SLC47A1: variants seen among roughly 807,000 people sequenced by gnomAD.
SLC47A1 encodes solute carrier family 47 member 1.
In SLC47A1, 58 loss-of-function variants were observed where a neutral mutation model predicts 65.8. The ratio of observed to expected loss-of-function variants is 0.88; its 90% CI spans 0.71 to 1.10. The LOEUF (loss-of-function observed/expected upper bound fraction) is 1.10. Ranked by LOEUF, SLC47A1 falls within the 50% of genes least tolerant of loss-of-function variation. The pLI is 0.00. For synonymous variants in SLC47A1, 285 were observed against 295.0 expected, an observed-to-expected ratio of 0.97 and a Z score of 0.35; for missense variants, 706 against 719.2, an observed-to-expected ratio of 0.98 and a Z score of 0.21.
intron 16 of SLC47A1, among the ~76,000 whole-genome samples, chr17:19,573,124 C>T (rs893183950): frequency 4.6e-5 from 7 of 152,222 alleles, no homozygotes; most frequent in African/African-American, 1.4e-4. Flanking sequence ...ATTTCTAACA[C>T]TTGGAAATAC....
At position 19,560,492 on chromosome 17, in the gene SLC47A1, C is replaced by A; in HGVS notation, c.1105C>A (p.Arg369=). The A allele has an allele frequency of 6.2e-7, 1 of 1,613,962 alleles. No homozygotes were observed. The highest frequency in any genetic ancestry group is 1.1e-5 in the South Asian group (1 of 91,074). Residue 369 remains arginine (R), a splice_region_variant and synonymous_variant, in exon 12 of 17, where the codon CGA becomes AGA. Coordinates refer to ENST00000270570, the MANE Select transcript of SLC47A1 (RefSeq NM_018242.3). The part of the protein sequence containing the change: ...DHVGYIFTTD[R]DIINLVAQVV... ...CGTGGGGTACATTTTTACTACCGAC[C>A]GGTGAGTGCTAGGATTTTCTTGAAA...
chr17:19,570,042 T>C (rs1258763855), intron 14 of SLC47A1, among the ~76,000 whole-genome samples: 2 of 151,962 alleles, frequency 1.3e-5, no homozygotes, highest in Non-Finnish European at 2.9e-5. Context: ...ACTCTAGGAG[T>C]TGGAGGCTGT....
intron 2 of SLC47A1, among the ~76,000 whole-genome samples, chr17:19,544,580 G>T (rs1916237052): frequency 6.6e-6 from 1 of 152,200 alleles, no homozygotes; most frequent in South Asian, 2.1e-4. Context: ...AAACTTCAGG[G>T]TTTGCTGCTG....
At chr17:19,551,913 A>T (rs1916460248) in intron 6 of SLC47A1, among the ~76,000 whole-genome samples, 2 of 152,210 alleles carry the variant, frequency 1.3e-5, no homozygotes, top group African/African-American at 4.8e-5. Flanking sequence ...CTCATTGAGG[A>T]TGTAAGAGCT....
rs907676615 is a variant in SLC47A1, at chr17:19,557,449, T to C, written c.921+1387T>C. ...TACTTTTAAAATCAATTTCCTATGGTTGAATAGTTTATTTCCAATGTTTCA... is the reference window on the plus strand; with the variant it reads ...TACTTTTAAAATCAATTTCCTATGGCTGAATAGTTTATTTCCAATGTTTCA... On this transcript the variant is annotated intron_variant, in intron 10 of 16. Coordinates refer to ENST00000270570, the MANE Select transcript of SLC47A1 (RefSeq NM_018242.3). 3 of 360,636 alleles carry C rather than the reference T, an allele frequency of 8.3e-6. No homozygotes were observed. In the Admixed American group the frequency reaches 1.0e-4, roughly 12 times the overall value. The allele number at this position is 360,636 out of a possible 1,614,324, so 22.3% of individuals were successfully genotyped here. A position where few individuals can be genotyped will look rare whatever the true frequency, so the allele number is the denominator to read the frequency against.
In SLC47A1 at chr17:19,546,502, A is replaced by T. The variant is rs1487699665; in HGVS notation, c.305A>T (p.Gln102Leu). Residue 102 changes from glutamine (Q) to leucine (L), a missense_variant and splice_region_variant, in exon 3 of 17, where the codon CAG becomes CTG. Physicochemically the swap from Gln to Leu is moderately radical, Grantham distance 113. Transcript: ENST00000270570. ...TCTGCCTGTGACACCCTCATCTCCC[A>T]GGTAAATGGAAGTGGTCACACGCTC... ...LSSACDTLIS[Q>L]TYGSQNLKHV... The T allele has an allele frequency of 6.2e-7, 1 of 1,613,504 alleles. No individual in the cohort carries two copies.
intron 14 of SLC47A1, among the ~76,000 whole-genome samples, chr17:19,569,514 T>C (rs1309700892): frequency 6.6e-6 from 1 of 152,134 alleles, no homozygotes; most frequent in East Asian, 1.9e-4. Context: ...GAAGAAATTG[T>C]GGTACGAATT....
chr17:19,559,984 T>G (rs1282054192), intron 10 of SLC47A1: 23 of 544,038 alleles, frequency 4.2e-5, no homozygotes, highest in Non-Finnish European at 6.5e-6. Flanking sequence ...AAGCCCAGTT[T>G]GTGCTAAGCA....
intron 5 of SLC47A1, 104 bp from the exon 6 acceptor site, chr17:19,551,320 G>C: frequency 9.8e-7 from 1 of 1,015,532 alleles, no homozygotes; most frequent in Admixed American, 1.7e-5. Context: ...CGGGAGCAGA[G>C]GGCAGCCGAA....
rs1567966133 is a variant in SLC47A1 at position 19,542,993 on chromosome 17, T to G, written c.237+499T>G. Among the ~76,000 whole-genome samples, 3 of 152,116 alleles carry G rather than the reference T, an allele frequency of 2.0e-5. No homozygotes were observed. In the East Asian group the frequency reaches 5.8e-4, roughly 29 times the overall value. On this transcript the variant is annotated intron_variant, in intron 2 of 16. Coordinates refer to ENST00000270570, the MANE Select transcript of SLC47A1 (RefSeq NM_018242.3). ...TTTTAGTAGAGATGGGGTTTCACCA[T>G]GTTGCCCAGGCTGGTCTCAAAGTCC...
chr17:19,558,860 C>G (rs935044991), intron 10 of SLC47A1, among the ~76,000 whole-genome samples: 1 of 152,088 alleles, frequency 6.6e-6, no homozygotes, highest in African/African-American at 2.4e-5. Flanking sequence ...TTTGTCCCTA[C>G]TTGTGAATTT....
chr17:19,555,990 A>G lies in SLC47A1; in HGVS notation c.854-5A>G. 1 of 1,614,098 alleles carries G rather than the reference A, an allele frequency of 6.2e-7. No individual in the cohort carries two copies. Among genetic ancestry groups the G allele is most frequent in the South Asian group, 1.1e-5 (1 of 91,072 alleles). ...TGCAAGGCGACAGCTGTCTTTCTTC[A>G]CCAGGCATCCTCGGCATGGTGGAGC... is the stretch of plus-strand genomic sequence containing the variant. On this transcript the variant is annotated splice_polypyrimidine_tract_variant and splice_region_variant and intron_variant, in intron 9 of 16. Transcript: ENST00000270570.
Position 19,566,854 on chromosome 17 carries a change from C to T in SLC47A1, c.1171C>T (p.Leu391Phe), listed in dbSNP as rs2084361913. Residue 391 changes from leucine (L) to phenylalanine (F), a missense_variant, in exon 13 of 17, where the codon CTT becomes TTT. By Grantham distance (22) the Leu-to-Phe change is conservative (BLOSUM62 0). Transcript: ENST00000270570. ...TGCTGTTTCCCACCTCTTTGAAGCT[C>T]TTGCTGTAAGTATTATGTAGTAGTC... ...IYAVSHLFEA[L>F]ACTSGGVLRG... is the part of the protein sequence containing the mutation. 1 of 1,614,058 alleles carries T rather than the reference C, an allele frequency of 6.2e-7. No individual in the cohort carries two copies. Among genetic ancestry groups the T allele is most frequent in the African/African-American group, 1.3e-5 (1 of 74,936 alleles).
Position 19,548,034 on chromosome 17 carries a change from G to A in SLC47A1, c.356G>A (p.Ser119Asn). 6.2e-7 allele frequency: 1 copy of A among 1,614,130 alleles called. No individual in the cohort carries two copies. Among genetic ancestry groups the A allele is most frequent in the Non-Finnish European group, 8.5e-7 (1 of 1,180,004 alleles). Reference sequence around the variant, plus strand: ...CACGTGGGCGTGATCCTGCAGCGGAGTGCGCTCGTCCTGCTCCTCTGCTGC... The same window carrying A: ...CACGTGGGCGTGATCCTGCAGCGGAATGCGCTCGTCCTGCTCCTCTGCTGC... ...LKHVGVILQR[S>N]ALVLLLCCFP... is the part of the protein sequence containing the mutation. Residue 119 changes from serine to asparagine, a missense_variant, in exon 4 of 17, where the codon AGT (serine) becomes AAT (asparagine). Transcript: ENST00000270570.
At chr17:19,543,019 T>C (rs558490214) in intron 2 of SLC47A1, among the ~76,000 whole-genome samples, 2 of 152,014 alleles carry the variant, frequency 1.3e-5, no homozygotes, top group South Asian at 4.2e-4. Flanking sequence ...CTCAAAGTCC[T>C]GAGTTCAAGC....
chr17:19,557,503 A>G (rs1916649940), intron 10 of SLC47A1: 2 of 481,044 alleles, frequency 4.2e-6, no homozygotes, highest in Admixed American at 4.3e-5. Flanking sequence ...GGAACATCCT[A>G]GGAAAAAATA....
intron 1 of SLC47A1, 190 bp downstream of exon 1, chr17:19,534,264 T>C (rs1915929273): frequency 1.5e-6 from 1 of 667,038 alleles, no homozygotes. Context: ...CGCTTTCCGC[T>C]CCGCACCACC....
At chr17:19,540,129 C>T (rs748562652) in intron 1 of SLC47A1, among the ~76,000 whole-genome samples, 5 of 152,148 alleles carry the variant, frequency 3.3e-5, no homozygotes, top group African/African-American at 7.2e-5. Flanking sequence ...CTTTTGTATC[C>T]GAGACATCTA....
intron 1 of SLC47A1, among the ~76,000 whole-genome samples, chr17:19,537,839 T>A (rs1266326343): frequency 6.6e-6 from 1 of 152,138 alleles, no homozygotes; most frequent in Non-Finnish European, 1.5e-5. Context: ...CCACCCAGCC[T>A]CCTTTCAGTG....
Sources: allele counts gnomAD v4.1 joint callset (sites outside exome capture counted in the v4.1 genomes callset), GRCh38; gene constraint gnomAD v4.1.1; transcripts MANE v1.5; gene names NCBI Gene and HGNC (gene_info 2026-07-23, HGNC 2026-07-21).